Variants in CRYL1 observed in about 807,000 individuals in gnomAD.
CRYL1 encodes the protein crystallin lambda 1, also known as lambda-crystallin homolog.
In CRYL1, 29 loss-of-function variants were observed where a neutral mutation model predicts 36.6. That is an observed-to-expected ratio of 0.79 (90% CI 0.59 to 1.08). The LOEUF (loss-of-function observed/expected upper bound fraction) is 1.08. Ranked by LOEUF, CRYL1 falls within the 50% of genes least tolerant of loss-of-function variation. The pLI is 0.00. For synonymous variants in CRYL1, 152 were observed against 151.5 expected (o/e 1.00, Z -0.02); for missense variants, 411 against 407.9 (o/e 1.01, Z -0.06).
rs114591399 is a variant in CRYL1, at chr13:20,427,106, T to G, written c.633+4996A>C. 5.4e-3 allele frequency: 5,281 copies of G among 985,424 alleles called. 256 individuals carry two copies. The African/African-American group carries it at 0.087, about 16-fold the overall frequency. 61.0% of individuals were successfully genotyped at this position (985,424 alleles called of 1,614,324 possible). A position where few individuals can be genotyped will look rare whatever the true frequency, so the allele number is the denominator to read the frequency against. Reference sequence around the variant, plus strand: ...AACTTAGCTACTGTCCAGCCAAAAGTCTATTGTCACAACACAATGTCCTTC... The same window carrying G: ...AACTTAGCTACTGTCCAGCCAAAAGGCTATTGTCACAACACAATGTCCTTC... On this transcript the variant is annotated intron_variant, in intron 5 of 7. Transcript: ENST00000298248.
intron 3 of CRYL1, among the ~76,000 whole-genome samples, chr13:20,483,957 C>T (rs1030279519): frequency 6.6e-6 from 1 of 152,182 alleles, no homozygotes; most frequent in African/African-American, 2.4e-5. Flanking sequence ...GCTGGGACTA[C>T]AGGTGCCCAC....
intron 2 of CRYL1, among the ~76,000 whole-genome samples, chr13:20,498,571 C>T (rs1412167379): frequency 2.6e-5 from 4 of 152,154 alleles, no homozygotes; most frequent in Non-Finnish European, 5.9e-5. Flanking sequence ...ACCTTATGGT[C>T]AAACTGATTA....
chr13:20,458,239 C>T (rs937559886), intron 3 of CRYL1, among the ~76,000 whole-genome samples: 1 of 152,154 alleles, frequency 6.6e-6, no homozygotes, highest in Non-Finnish European at 1.5e-5. Context: ...TGTTCCCAGA[C>T]GTTTAAAAAT....
chr13:20,407,013 T>C (rs566026246), intron 6 of CRYL1, among the ~76,000 whole-genome samples: 3 of 151,410 alleles, frequency 2.0e-5, no homozygotes, highest in Admixed American at 2.0e-4. Flanking sequence ...TTTCTAGAAC[T>C]TTCTTTCCTT....
At chr13:20,411,587 A>C (rs1320475498) in intron 6 of CRYL1, among the ~76,000 whole-genome samples, 1 of 152,256 alleles carries the variant, frequency 6.6e-6, no homozygotes, top group Non-Finnish European at 1.5e-5. Flanking sequence ...TATATATACA[A>C]ATCTATATAC....
At chr13:20,405,188 T>C (rs924114965) in intron 6 of CRYL1, among the ~76,000 whole-genome samples, 3 of 152,086 alleles carry the variant, frequency 2.0e-5, no homozygotes, top group Non-Finnish European at 4.4e-5. Context: ...GAAGAATCGC[T>C]TGAACCCGGG....
At chr13:20,513,460 T>C (rs1049754220) in intron 1 of CRYL1, 1 of 152,252 alleles carries the variant, frequency 6.6e-6, no homozygotes, top group Admixed American at 6.5e-5. Flanking sequence ...CCTATGTTAA[T>C]CTTTACAACA....
intron 2 of CRYL1, among the ~76,000 whole-genome samples, chr13:20,495,926 T>G (rs950424964): frequency 6.6e-6 from 1 of 152,158 alleles, no homozygotes; most frequent in African/African-American, 2.4e-5. Flanking sequence ...GCTTCCCAAA[T>G]AGCTGGGACT....
At chr13:20,421,025 G>A (rs1028491449) in intron 5 of CRYL1, among the ~76,000 whole-genome samples, 3 of 150,628 alleles carry the variant, frequency 2.0e-5, no homozygotes, top group African/African-American at 7.3e-5. Context: ...GAGCCACTGC[G>A]CCCAGCCTAA....
chr13:20,427,119 C>T (rs1246159512), intron 5 of CRYL1: 2 of 985,406 alleles, frequency 2.0e-6, no homozygotes, highest in Non-Finnish European at 2.4e-6. Context: ...ATTGTCACAA[C>T]ACAATGTCCT....
intron 5 of CRYL1, chr13:20,431,868 T>G (rs1435851608): frequency 4.7e-6 from 7 of 1,474,828 alleles, no homozygotes; most frequent in Non-Finnish European, 5.4e-6. Context: ...TGTCCTGGTA[T>G]CAGGTGACTG....
intron 3 of CRYL1, among the ~76,000 whole-genome samples, chr13:20,454,007 A>G (rs946835670): frequency 6.6e-6 from 1 of 152,196 alleles, no homozygotes; most frequent in Non-Finnish European, 1.5e-5. Flanking sequence ...TTAAATTTGT[A>G]GTTCAAAATC....
chr13:20,416,302 G>A (rs2031662381), intron 5 of CRYL1, among the ~76,000 whole-genome samples: 1 of 152,222 alleles, frequency 6.6e-6, no homozygotes, highest in Admixed American at 6.5e-5. Context: ...ACTCCCAATA[G>A]CGAAGCTGTA....
chr13:20,494,319 T>C (rs534100309), intron 2 of CRYL1, among the ~76,000 whole-genome samples: 3 of 152,254 alleles, frequency 2.0e-5, no homozygotes, highest in Admixed American at 6.5e-5. Context: ...TATTTCCTTT[T>C]CATAATTTAT....
In CRYL1 at chr13:20,404,217, T is replaced by C. The variant is rs775647624; in HGVS notation, c.872A>G (p.Asp291Gly). The C allele has an allele frequency of 2.5e-6, 4 of 1,613,016 alleles. No homozygotes were observed. Among genetic ancestry groups the C allele is most frequent in the Non-Finnish European group, 3.4e-6 (4 of 1,179,414 alleles). ...NQDMCMKVPDDPEHLAARRQW... is the reference protein window; with the variant it reads ...NQDMCMKVPDGPEHLAARRQW... The stretch of plus-strand genomic sequence containing the variant: ...CCTCCTGGCAGCTAAGTGCTCCGGG[T>C]CATCAGGGACCTTCATGCACATGTC... The change falls in exon 8 of 8, where the codon GAC (aspartate) becomes GGC (glycine). Residue 291 changes from aspartate (D) to glycine (G), a missense_variant. By Grantham distance (94) the Asp-to-Gly change is moderately conservative. Transcript: ENST00000298248.
intron 3 of CRYL1, 73 bp downstream of exon 3, chr13:20,489,297 C>A: frequency 1.9e-6 from 3 of 1,588,144 alleles, no homozygotes; most frequent in Non-Finnish European, 2.6e-6. Context: ...CTGTATCCTG[C>A]CCTGTTCCTC....
At chr13:20,432,892 C>T (rs562394820) in intron 4 of CRYL1, among the ~76,000 whole-genome samples, 61 of 152,204 alleles carry the variant, frequency 4.0e-4, no homozygotes, top group African/African-American at 1.5e-3. Flanking sequence ...GTGTTGTGTA[C>T]CTGTAGTCCC....
At chr13:20,429,523 A>G (rs755839463) in intron 5 of CRYL1, among the ~76,000 whole-genome samples, 46 of 152,130 alleles carry the variant, frequency 3.0e-4, no homozygotes, top group Non-Finnish European at 5.9e-4. Flanking sequence ...TCCTGCAATA[A>G]AATCAAGAAT....
chr13:20,441,036 G>A (rs1172490659), intron 3 of CRYL1, among the ~76,000 whole-genome samples: 4 of 152,078 alleles, frequency 2.6e-5, no homozygotes, highest in African/African-American at 9.7e-5. Context: ...CTGACACTTT[G>A]GAAATACTAG....
Sources: allele counts gnomAD v4.1 joint callset (sites outside exome capture counted in the v4.1 genomes callset), GRCh38; gene constraint gnomAD v4.1.1; transcripts MANE v1.5; gene names NCBI Gene and HGNC (gene_info 2026-07-23, HGNC 2026-07-21).